HDAC9: variants seen among roughly 807,000 people sequenced by gnomAD.
HDAC9 encodes the protein MEF-2 interacting transcription repressor (MITR) protein.
In HDAC9, 41 loss-of-function variants were observed where a neutral mutation model predicts 139.4. That is an observed-to-expected ratio of 0.29 (90% CI 0.23 to 0.38). The LOEUF (loss-of-function observed/expected upper bound fraction) is 0.38, where lower values mean the gene tolerates loss of function less well. HDAC9 is among the 10% of genes least tolerant of loss of function. The pLI, the probability that HDAC9 is intolerant of heterozygous loss-of-function variation, is 1.00. For synonymous variants in HDAC9, 517 were observed against 476.2 expected, an observed-to-expected ratio of 1.09 and a Z score of -1.12; for missense variants, 1,147 against 1,297.0, an observed-to-expected ratio of 0.88 and a Z score of 1.78.
intron 12 of HDAC9, among the ~76,000 whole-genome samples, chr7:18,698,069 T>C (rs925145685): frequency 3.9e-5 from 6 of 152,148 alleles, no homozygotes; most frequent in Non-Finnish European, 7.3e-5. Flanking sequence ...AGGAAACTTA[T>C]CTGTTATCAT....
At chr7:18,286,411 T>C (rs967001486), upstream of HDAC9, among the ~76,000 whole-genome samples, 9 of 148,916 alleles carry the variant, frequency 6.0e-5, no homozygotes, top group Non-Finnish European at 7.4e-5. Context: ...TAATATTATA[T>C]AATATGTAAA....
chr7:18,707,889 A>G lies in HDAC9; in HGVS notation c.1732-19691A>G, dbSNP rs184532826. 1.8e-3 allele frequency among the ~76,000 whole-genome samples: 260 copies of G among 143,430 alleles called. 3 individuals carry two copies. The highest frequency in any genetic ancestry group is 9.3e-5 in the Non-Finnish European group (6 of 64,720). 94.1% of individuals were successfully genotyped at this position (143,430 alleles called of 152,430 possible). A position where few individuals can be genotyped will look rare whatever the true frequency, so the allele number is the denominator to read the frequency against. On this transcript the variant is annotated intron_variant, in intron 12 of 25. Coordinates refer to ENST00000686413, the MANE Select transcript of HDAC9 (RefSeq NM_178425.4). ...TGTGTGTGTGTGTATGCACGTGCATACATGTGTGTGTCTGTATTTGAGTTG... is the reference window on the plus strand; with the variant it reads ...TGTGTGTGTGTGTATGCACGTGCATGCATGTGTGTGTCTGTATTTGAGTTG...
At chr7:18,472,478 C>G (rs1433846345) in intron 1 of HDAC9, among the ~76,000 whole-genome samples, 1 of 152,218 alleles carries the variant, frequency 6.6e-6, no homozygotes, top group Non-Finnish European at 1.5e-5. Flanking sequence ...TCTGCAACTA[C>G]TGACAGGTTC....
chr7:18,694,276 G>GGCA (rs984223056), intron 12 of HDAC9, among the ~76,000 whole-genome samples: 7 of 152,218 alleles, frequency 4.6e-5, no homozygotes, highest in African/African-American at 1.7e-4. Context: ...GGTTGAGAGA[G>GGCA]GCAAAGGGTT....
intron 1 of HDAC9, among the ~76,000 whole-genome samples, chr7:18,472,409 T>C (rs1432206653): frequency 6.6e-6 from 1 of 152,150 alleles, no homozygotes; most frequent in African/African-American, 2.4e-5. Context: ...TCCCAATTTA[T>C]GTCCCCATCT....
At chr7:18,759,907 C>T (rs77116904) in intron 14 of HDAC9, among the ~76,000 whole-genome samples, 288 of 152,168 alleles carry the variant, frequency 1.9e-3, no homozygotes, top group African/African-American at 6.6e-3. Context: ...TCAAGATATA[C>T]TTAATGGTAT....
At chr7:18,957,428 A>G (rs1783230133) in intron 24 of HDAC9, among the ~76,000 whole-genome samples, 1 of 152,116 alleles carries the variant, frequency 6.6e-6, no homozygotes, top group African/African-American at 2.4e-5. Context: ...TCCTTACAAG[A>G]TATGAAATCG....
At chr7:18,556,209 G>T (rs1018454211) in intron 2 of HDAC9, among the ~76,000 whole-genome samples, 2 of 151,910 alleles carry the variant, frequency 1.3e-5, no homozygotes, top group Admixed American at 1.3e-4. Flanking sequence ...GTTGGGAGGG[G>T]TTTATATTGT....
In HDAC9 at chr7:18,998,376, G is replaced by C. The variant is rs899020929; in HGVS notation, c.*2314G>C. The C allele has an allele frequency of 2.0e-5, 3 of 152,164 alleles. No individual in the cohort carries two copies. The highest frequency in any genetic ancestry group is 4.4e-5 in the Non-Finnish European group (3 of 68,030). 9.4% of individuals were successfully genotyped at this position (152,164 alleles called of 1,614,324 possible). A position where few individuals can be genotyped will look rare whatever the true frequency, so the allele number is the denominator to read the frequency against. The stretch of plus-strand genomic sequence containing the variant: ...ACTAGGACATCTCCATGGTTATTTA[G>C]ATTTAAAACTTGACACATTAATGAG... On this transcript the variant is annotated 3_prime_UTR_variant, in exon 26 of 26. Transcript: ENST00000686413.
intron 14 of HDAC9, among the ~76,000 whole-genome samples, chr7:18,761,910 C>T (rs2129156715): frequency 6.6e-6 from 1 of 152,282 alleles, no homozygotes; most frequent in Admixed American, 6.5e-5. Context: ...ATAGCTTTCT[C>T]TTCCATGCCA....
intron 25 of HDAC9, among the ~76,000 whole-genome samples, chr7:18,984,334 C>T (rs1785155443): frequency 6.6e-6 from 1 of 151,990 alleles, no homozygotes; most frequent in African/African-American, 2.4e-5. Context: ...GGGGGTGCCA[C>T]AGAGTTGAGT....
At chr7:18,587,119 C>T (rs1367552612) in intron 3 of HDAC9, among the ~76,000 whole-genome samples, 2 of 152,076 alleles carry the variant, frequency 1.3e-5, no homozygotes. Context: ...TTAGATACTT[C>T]TTTTCATTTA....
chr7:18,404,369 ATTTATCC>A (rs1320303160), intron 1 of HDAC9, among the ~76,000 whole-genome samples: 1 of 152,168 alleles, frequency 6.6e-6, no homozygotes, highest in Non-Finnish European at 1.5e-5. Context: ...CATGTAAACG[ATTTATCC>A]TGAATGAAAG....
chr7:18,746,059 C>T (rs567434428), intron 13 of HDAC9, among the ~76,000 whole-genome samples: 1 of 151,326 alleles, frequency 6.6e-6, no homozygotes, highest in South Asian at 2.1e-4. Context: ...TTTGTGGAGA[C>T]AGGGTCTCCC....
intron 8 of HDAC9, among the ~76,000 whole-genome samples, chr7:18,639,997 A>G (rs572357767): frequency 2.8e-4 from 43 of 152,150 alleles, no homozygotes; most frequent in African/African-American, 9.9e-4. Context: ...TTCTGTGTGT[A>G]TATATATATT....
intron 1 of HDAC9, among the ~76,000 whole-genome samples, chr7:18,323,796 G>A (rs1057324377): frequency 2.6e-5 from 4 of 152,094 alleles, no homozygotes; most frequent in Non-Finnish European, 4.4e-5. Context: ...TTGGGCTGCT[G>A]TAACAAAAAC....
chr7:18,677,195 T>G (rs1781573534), intron 12 of HDAC9, among the ~76,000 whole-genome samples: 2 of 151,924 alleles, frequency 1.3e-5, no homozygotes, highest in South Asian at 4.1e-4. Flanking sequence ...TATATATTAG[T>G]TTTTATTTTT....
chr7:18,277,596 T>G (rs1245354380), intron 2 of HDAC9, among the ~76,000 whole-genome samples: 1 of 152,202 alleles, frequency 6.6e-6, no homozygotes, highest in African/African-American at 2.4e-5. Flanking sequence ...GTATCTTATT[T>G]TACACCCACA....
intron 2 of HDAC9, among the ~76,000 whole-genome samples, chr7:18,567,974 T>A (rs900412583): frequency 6.7e-6 from 1 of 149,546 alleles, no homozygotes; most frequent in Non-Finnish European, 1.5e-5. Flanking sequence ...TGTTGGTTTC[T>A]ATAAAATATA....
Sources: allele counts gnomAD v4.1 joint callset (sites outside exome capture counted in the v4.1 genomes callset), GRCh38; gene constraint gnomAD v4.1.1; transcripts MANE v1.5; gene names NCBI Gene and HGNC (gene_info 2026-07-23, HGNC 2026-07-21).